MMD2: variants seen among roughly 807,000 people sequenced by gnomAD.
MMD2 encodes the protein monocyte to macrophage differentiation associated 2.
Under a neutral mutation model 33.5 loss-of-function variants are expected in MMD2, and 30 were observed. The observed-to-expected ratio is 0.90, with a 90% CI of 0.67 to 1.22. MMD2 has a LOEUF of 1.22. Among genes scored for constraint, MMD2 ranks in the 50% most tolerant of loss-of-function variants. MMD2 has a pLI of 0.00. For synonymous variants in MMD2, 129 were observed against 123.0 expected, an observed-to-expected ratio of 1.05 and a Z score of -0.32; for missense variants, 364 against 325.4, an observed-to-expected ratio of 1.12 and a Z score of -0.91.
chr7:4,949,927 C>G (rs1182810817), intron 1 of MMD2, among the ~76,000 whole-genome samples: 1 of 152,200 alleles, frequency 6.6e-6, no homozygotes, highest in Non-Finnish European at 1.5e-5. Context: ...CATCTCCTCT[C>G]TCACATTTAA....
chr7:4,955,573 G>C (rs1269067347), intron 1 of MMD2, among the ~76,000 whole-genome samples: 1 of 151,916 alleles, frequency 6.6e-6, no homozygotes, highest in Non-Finnish European at 1.5e-5. Flanking sequence ...GACTTGTGGG[G>C]AAAAAAATGT....
chr7:4,948,076 A>C (rs1400374528), intron 1 of MMD2, among the ~76,000 whole-genome samples: 1 of 152,140 alleles, frequency 6.6e-6, no homozygotes, highest in African/African-American at 2.4e-5. Context: ...TAAACCATTC[A>C]TGAGAAACCG....
chr7:4,916,371 C>CTTTTTTTT (rs553309427), intron 3 of MMD2, among the ~76,000 whole-genome samples: 1 of 64,748 alleles, frequency 1.5e-5, no homozygotes, highest in Non-Finnish European at 2.7e-5. Flanking sequence ...CTCCGTCCCA[C>CTTTTTTTT]TTTTTTTTTT....
At chr7:4,893,727 T>A in the MMD2 span, among the ~76,000 whole-genome samples, 1 of 152,026 alleles carries the variant, frequency 6.6e-6, no homozygotes, top group African/African-American at 2.4e-5. Context: ...AAGGGGTGGA[T>A]TATTCATGAG....
the MMD2 span, among the ~76,000 whole-genome samples, chr7:4,896,028 G>A: frequency 7.0e-6 from 1 of 143,172 alleles, no homozygotes; most frequent in Non-Finnish European, 1.6e-5. Flanking sequence ...GACCCTGCAT[G>A]GTATGATGTG....
intron 1 of MMD2, among the ~76,000 whole-genome samples, chr7:4,949,196 T>A (rs1786172046): frequency 6.6e-6 from 1 of 152,080 alleles, no homozygotes; most frequent in Admixed American, 6.6e-5. Context: ...GGCAATAGAG[T>A]GAGACTCTGT....
At chr7:4,908,038 G>C (rs961766604) in intron 6 of MMD2, among the ~76,000 whole-genome samples, 1 of 151,848 alleles carries the variant, frequency 6.6e-6, no homozygotes, top group African/African-American at 2.4e-5. Flanking sequence ...TCAAACTCCT[G>C]GTCTCCAGTG....
intron 1 of MMD2, among the ~76,000 whole-genome samples, chr7:4,938,072 C>A (rs1330014451): frequency 8.4e-6 from 1 of 119,484 alleles, no homozygotes; most frequent in Non-Finnish European, 1.6e-5. Context: ...AGTGCAATGG[C>A]ACGATCTCAG....
intron 1 of MMD2, among the ~76,000 whole-genome samples, chr7:4,950,703 TC>T (rs1329430962): frequency 6.9e-6 from 1 of 143,938 alleles, no homozygotes; most frequent in Non-Finnish European, 1.5e-5. Flanking sequence ...AAGCTAAATT[TC>T]TTTCCTTCTT....
intron 4 of MMD2, among the ~76,000 whole-genome samples, chr7:4,914,564 T>C (rs777918246): frequency 6.6e-6 from 1 of 152,172 alleles, no homozygotes; most frequent in Non-Finnish European, 1.5e-5. Context: ...TTTGTGACAA[T>C]ACCCTCAGAT....
chr7:4,923,277 T>C (rs1032480143), intron 2 of MMD2, among the ~76,000 whole-genome samples: 1 of 152,022 alleles, frequency 6.6e-6, no homozygotes, highest in African/African-American at 2.4e-5. Flanking sequence ...CTAATTTTTG[T>C]ATTTTTAGTA....
chr7:4,932,266 G>T (rs902987806), intron 1 of MMD2, among the ~76,000 whole-genome samples: 1 of 152,150 alleles, frequency 6.6e-6, no homozygotes, highest in South Asian at 2.1e-4. Context: ...AGACAGGGCC[G>T]TGGGCAAACG....
At chr7:4,930,026 T>G (rs140099569) in intron 1 of MMD2, among the ~76,000 whole-genome samples, 12,060 of 150,936 alleles carry the variant, frequency 0.08, 596 homozygotes, top group South Asian at 0.15. Context: ...TCCCAGCACT[T>G]TGGGAGGCCG....
downstream of MMD2, among the ~76,000 whole-genome samples, chr7:4,902,426 G>A (rs1014064251): frequency 5.3e-5 from 8 of 152,168 alleles, no homozygotes; most frequent in African/African-American, 1.4e-4. Context: ...GTGCCCTCGG[G>A]AAAATCACCA....
chr7:4,916,371 CTTTTTTTTTTTTT>C (rs553309427), intron 3 of MMD2, among the ~76,000 whole-genome samples: 16 of 64,784 alleles, frequency 2.5e-4, no homozygotes, highest in African/African-American at 9.7e-4. Flanking sequence ...CTCCGTCCCA[CTTTTTTTTTTTTT>C]TTTTTTTTTT....
At chr7:4,910,069 C>A in intron 5 of MMD2, 119 bp from the exon 6 acceptor site, 1 of 1,605,510 alleles carries the variant, frequency 6.2e-7, no homozygotes. Context: ...GAAGAAAGGA[C>A]GCTTTCTCTG....
chr7:4,916,364 C>T (rs922733074), intron 3 of MMD2, among the ~76,000 whole-genome samples: 59 of 149,560 alleles, frequency 3.9e-4, no homozygotes, highest in Non-Finnish European at 8.1e-4. Context: ...GAACATCCTC[C>T]GTCCCACTTT....
chr7:4,952,305 T>C (rs2115162586), intron 1 of MMD2, among the ~76,000 whole-genome samples: 1 of 152,340 alleles, frequency 6.6e-6, no homozygotes, highest in South Asian at 2.1e-4. Context: ...GGGTGGGCTG[T>C]GCCTGGATGA....
intron 1 of MMD2, among the ~76,000 whole-genome samples, chr7:4,928,181 T>G (rs1342872353): frequency 6.6e-6 from 1 of 152,130 alleles, no homozygotes; most frequent in Non-Finnish European, 1.5e-5. Flanking sequence ...CACCAAAAAC[T>G]TTCCCCTCAG....
Sources: gnomAD v4.1 joint callset for allele counts (sites outside exome capture counted in the v4.1 genomes callset) on GRCh38, gnomAD v4.1.1 for gene constraint, MANE v1.5 for transcripts, NCBI Gene and HGNC (gene_info 2026-07-23, HGNC 2026-07-21) for gene names.